Variants in ENPP2 observed in about 807,000 individuals in gnomAD.
The protein encoded by ENPP2 is ectonucleotide pyrophosphatase/phosphodiesterase 2.
ENPP2 carries 51 observed loss-of-function variants against 120.2 expected under a neutral mutation model. That is an observed-to-expected ratio of 0.42 (90% confidence interval 0.34 to 0.54). ENPP2 has a LOEUF of 0.54. ENPP2 is among the 20% of genes least tolerant of loss of function. The pLI is 0.04. For missense variants in ENPP2, 920 were observed against 1,066.5 expected, an observed-to-expected ratio of 0.86 and a Z score of 1.91; for synonymous variants, 365 against 366.4, an observed-to-expected ratio of 1.00 and a Z score of 0.04.
chr8:119,559,885 CT>C (rs1206684309), intron 24 of ENPP2, among the ~76,000 whole-genome samples: 1 of 152,190 alleles, frequency 6.6e-6, no homozygotes, highest in Non-Finnish European at 1.5e-5. Flanking sequence ...GCAAGGACAG[CT>C]TCTACATGAA....
intron 13 of ENPP2, 98 bp from the exon 14 acceptor site, chr8:119,587,173 C>A (rs958573720): frequency 5.6e-5 from 52 of 923,164 alleles, no homozygotes; most frequent in Non-Finnish European, 8.3e-5. Context: ...TCCTTCCATC[C>A]CACAGAAGAC....
chr8:119,641,673 T>C (rs2130852838), upstream of ENPP2, among the ~76,000 whole-genome samples: 1 of 152,334 alleles, frequency 6.6e-6, no homozygotes, highest in Admixed American at 6.5e-5. Flanking sequence ...AGAATCACCC[T>C]GGAGCCTTGT....
intron 1 of ENPP2, among the ~76,000 whole-genome samples, chr8:119,662,433 A>G (rs575792625): frequency 6.6e-6 from 1 of 152,272 alleles, no homozygotes; most frequent in African/African-American, 2.4e-5. Context: ...AAATAGCACT[A>G]CCTGGGAACT....
intron 2 of ENPP2, among the ~76,000 whole-genome samples, chr8:119,631,330 C>A (rs1816665020): frequency 6.7e-6 from 1 of 149,704 alleles, no homozygotes; most frequent in Admixed American, 6.7e-5. Context: ...CATTCTCCTG[C>A]CTCAGCCTCC....
intron 8 of ENPP2, among the ~76,000 whole-genome samples, chr8:119,610,490 A>G (rs368013887): frequency 2.7e-5 from 4 of 148,050 alleles, no homozygotes; most frequent in African/African-American, 5.0e-5. Flanking sequence ...AAGGTTATAA[A>G]AGAGAGAGAG....
At chr8:119,604,661 C>A (rs1371659438) in intron 9 of ENPP2, among the ~76,000 whole-genome samples, 1 of 151,764 alleles carries the variant, frequency 6.6e-6, no homozygotes, top group African/African-American at 2.4e-5. Flanking sequence ...CATATATAGC[C>A]CTTGTCTAGT....
intron 19 of ENPP2, chr8:119,571,582 T>A (rs1814986914): frequency 3.3e-5 from 5 of 152,164 alleles, no homozygotes; most frequent in Admixed American, 3.3e-4. Flanking sequence ...GAGTTCAGTA[T>A]GAAAATCTTC....
At chr8:119,620,633 T>TTC (rs1224584396) in intron 4 of ENPP2, among the ~76,000 whole-genome samples, 1 of 152,226 alleles carries the variant, frequency 6.6e-6, no homozygotes, top group Admixed American at 6.5e-5. Context: ...TCCCATCAAC[T>TTC]TCTATAAGTG....
chr8:119,617,079 C>A (rs889249404), intron 7 of ENPP2, 85 bp downstream of exon 7: 3 of 869,666 alleles, frequency 3.4e-6, no homozygotes, highest in African/African-American at 1.7e-5. Flanking sequence ...CTAAGGAACA[C>A]GTTTTAAAAG....
intron 20 of ENPP2, among the ~76,000 whole-genome samples, chr8:119,570,321 G>A (rs903231124): frequency 6.7e-6 from 1 of 149,520 alleles, no homozygotes; most frequent in South Asian, 2.1e-4. Flanking sequence ...GAGGTTGAAG[G>A]GGGGTGGGTG....
chr8:119,578,667 T>C (rs1338623596), intron 19 of ENPP2, among the ~76,000 whole-genome samples: 6 of 152,222 alleles, frequency 3.9e-5, no homozygotes, highest in African/African-American at 7.2e-5. Context: ...AATGACACTA[T>C]AGTCCACTAG....
At chr8:119,590,662 G>C (rs1813432297) in intron 12 of ENPP2, 32 bp from the exon 13 acceptor site, 2 of 1,461,290 alleles carry the variant, frequency 1.4e-6, no homozygotes, top group African/African-American at 2.9e-5. Flanking sequence ...ATATTTTCAG[G>C]CAAGACTAAA....
intron 21 of ENPP2, 64 bp from the exon 22 acceptor site, chr8:119,568,316 AGGG>A: frequency 2.2e-6 from 2 of 894,308 alleles, no homozygotes; most frequent in Non-Finnish European, 3.6e-6. Flanking sequence ...TAAAAAAAAA[AGGG>A]AGAGGGGGGT....
intron 19 of ENPP2, chr8:119,572,223 C>A: frequency 6.4e-7 from 1 of 1,554,968 alleles, no homozygotes; most frequent in Non-Finnish European, 8.7e-7. Flanking sequence ...GTTTTCATTT[C>A]TGCTGCCTCT....
intron 1 of ENPP2, 33 bp downstream of exon 1, chr8:119,638,715 A>G: frequency 3.8e-6 from 5 of 1,301,078 alleles, no homozygotes; most frequent in Non-Finnish European, 5.6e-6. Context: ...CTGAAGATCA[A>G]GCATGTCCCC....
chr8:119,600,512 G>A (rs1048235474), intron 11 of ENPP2, among the ~76,000 whole-genome samples, 166 bp downstream of exon 11: 2 of 152,154 alleles, frequency 1.3e-5, no homozygotes, highest in Non-Finnish European at 2.9e-5. Context: ...GAAACAGGTC[G>A]TTTTAAGATT....
chr8:119,633,575 A>G (rs1047270296), intron 2 of ENPP2, among the ~76,000 whole-genome samples: 2 of 152,050 alleles, frequency 1.3e-5, no homozygotes, highest in Non-Finnish European at 2.9e-5. Context: ...GCCCAGCTCT[A>G]GAGTTAATAC....
chr8:119,638,640 AAT>A, intron 1 of ENPP2, 106 bp downstream of exon 1: 1 of 992,688 alleles, frequency 1.0e-6, no homozygotes, highest in Non-Finnish European at 1.6e-6. Context: ...CCACTTCCAA[AAT>A]GCATAATAAG....
Position 119,653,882 on chromosome 8 carries a change from T to C in ENPP2, c.22-15355A>G, listed in dbSNP as rs1355832913. On this transcript the variant is annotated intron_variant, in intron 1 of 25. Coordinates refer to the ENPP2 transcript ENST00000427067. The stretch of plus-strand genomic sequence containing the variant: ...TGTGCATTGCCCTTCCTCAAACGTT[T>C]GAAAGTTAATGCAAAATGCACAGGC... Among the ~76,000 whole-genome samples, 4 of 151,502 alleles carry C rather than the reference T, an allele frequency of 2.6e-5. No individual in the cohort carries two copies. The East Asian group carries it at 5.8e-4, about 22-fold the overall frequency.
Sources: allele counts gnomAD v4.1 joint callset (sites outside exome capture counted in the v4.1 genomes callset), GRCh38; gene constraint gnomAD v4.1.1; transcripts MANE v1.5; gene names NCBI Gene and HGNC (gene_info 2026-07-23, HGNC 2026-07-21).